The following PLEKHG4B variants were observed in gnomAD, a reference collection of about 807,000 sequenced individuals.
PLEKHG4B encodes the protein pleckstrin homology domain-containing family G member 4B.
In PLEKHG4B, 111 loss-of-function variants were observed where a neutral mutation model predicts 121.3. That is an observed-to-expected ratio of 0.92 (90% CI 0.78 to 1.07). The LOEUF (loss-of-function observed/expected upper bound fraction) is 1.07, where lower values mean the gene tolerates loss of function less well. Ranked by LOEUF, PLEKHG4B falls within the 50% of genes least tolerant of loss-of-function variation. PLEKHG4B has a pLI of 0.00. For synonymous variants in PLEKHG4B, 738 were observed against 725.0 expected (o/e 1.02, Z -0.29); for missense variants, 1,831 against 1,757.8 (o/e 1.04, Z -0.74).
intron 2 of PLEKHG4B, among the ~76,000 whole-genome samples, chr5:138,694 G>A (rs1379973830): frequency 6.6e-6 from 1 of 152,196 alleles, no homozygotes; most frequent in Non-Finnish European, 1.5e-5. Flanking sequence ...AAACATGATT[G>A]GTGGGTGGGT....
intron 2 of PLEKHG4B, among the ~76,000 whole-genome samples, chr5:118,330 C>T (rs780321291): frequency 1.3e-5 from 2 of 152,306 alleles, no homozygotes; most frequent in Non-Finnish European, 2.9e-5. Context: ...AGACCACACA[C>T]TGCTTGGGAT....
intron 1 of PLEKHG4B, among the ~76,000 whole-genome samples, chr5:107,936 G>A (rs1261433925): frequency 2.6e-5 from 4 of 152,290 alleles, no homozygotes; most frequent in Admixed American, 2.0e-4. Flanking sequence ...ATTAGAGTGT[G>A]GTGGAGTGGA....
At position 189,619 on chromosome 5, in the gene PLEKHG4B, A is replaced by C. The variant is rs1045079308; in HGVS notation, c.*7296A>C. The C allele has an allele frequency of 4.6e-5, 7 of 152,252 alleles. No homozygotes were observed. The highest frequency in any genetic ancestry group is 1.7e-4 in the African/African-American group (7 of 41,456). 9.4% of individuals were successfully genotyped at this position (152,252 alleles called of 1,614,324 possible). On this transcript the variant is annotated 3_prime_UTR_variant, in exon 20 of 20. Coordinates refer to ENST00000637938, the MANE Select transcript of PLEKHG4B (RefSeq NM_052909.5). ...GACGGCGGCGCCAGAGCTGGGCCTG[A>C]GTCTGACCCAACCTGTGCTGAGTGG...
chr5:158,450 G>A (rs541908986), intron 11 of PLEKHG4B, among the ~76,000 whole-genome samples: 369 of 108,182 alleles, frequency 3.4e-3, no homozygotes, highest in Middle Eastern at 0.012. Flanking sequence ...CCCTCTGCCC[G>A]TCCTGGGAGT....
chr5:124,115 T>A (rs1734542737), intron 2 of PLEKHG4B, among the ~76,000 whole-genome samples: 1 of 152,228 alleles, frequency 6.6e-6, no homozygotes, highest in Non-Finnish European at 1.5e-5. Flanking sequence ...TTTGATCCAT[T>A]GTTGATTAAT....
chr5:161,416 C>T (rs1285558978), intron 11 of PLEKHG4B, among the ~76,000 whole-genome samples: 1 of 152,258 alleles, frequency 6.6e-6, no homozygotes, highest in African/African-American at 2.4e-5. Flanking sequence ...GCCCGTGCCA[C>T]CTCTCATCAG....
At chr5:149,257 T>G (rs1735527089) in intron 6 of PLEKHG4B, among the ~76,000 whole-genome samples, 1 of 152,114 alleles carries the variant, frequency 6.6e-6, no homozygotes, top group African/African-American at 2.4e-5. Context: ...ATCAAAAGAC[T>G]ACCAGACAGA....
Position 137,621 on chromosome 5 carries a change from G to A in PLEKHG4B, c.244-1862G>A, listed in dbSNP as rs537922759. On this transcript the variant is annotated intron_variant, in intron 2 of 19. Coordinates refer to ENST00000637938, the MANE Select transcript of PLEKHG4B (RefSeq NM_052909.5). This position sits in a 1 kb window ranked among gnomAD's most constrained non-coding sequence, Gnocchi z 4.2. ...GTAGACCCCTGTGGGAGGGCAAAAG[G>A]CATGAAAGGCTCCAACACCCTCCCA... is the stretch of plus-strand genomic sequence containing the variant. 6.6e-6 allele frequency among the ~76,000 whole-genome samples: 1 copy of A among 152,314 alleles called. No homozygotes were observed. Among genetic ancestry groups the A allele is most frequent in the African/African-American group, 2.4e-5 (1 of 41,568 alleles).
intron 1 of PLEKHG4B, among the ~76,000 whole-genome samples, chr5:95,259 G>A (rs563652355): frequency 2.0e-5 from 3 of 152,248 alleles, no homozygotes; most frequent in South Asian, 4.1e-4. Context: ...CACTGGAGTC[G>A]TTACGTCAGC....
intron 18 of PLEKHG4B, among the ~76,000 whole-genome samples, chr5:178,318 T>C (rs999289907): frequency 2.0e-5 from 3 of 152,174 alleles, no homozygotes; most frequent in African/African-American, 7.2e-5. Context: ...ACATTCCCAA[T>C]GGGTGGGGGA....
At chr5:132,321 A>G (rs918841470) in intron 2 of PLEKHG4B, among the ~76,000 whole-genome samples, 14 of 152,232 alleles carry the variant, frequency 9.2e-5, no homozygotes, top group Non-Finnish European at 1.3e-4. Context: ...TATAGATTGC[A>G]AAGATTTTCT....
intron 2 of PLEKHG4B, among the ~76,000 whole-genome samples, chr5:122,638 C>G (rs1382129357): frequency 6.6e-6 from 1 of 151,952 alleles, no homozygotes; most frequent in Non-Finnish European, 1.5e-5. Flanking sequence ...CCAGGCTGGT[C>G]AGATCTCCTG....
intron 2 of PLEKHG4B, among the ~76,000 whole-genome samples, chr5:128,353 G>C (rs184985653): frequency 7.2e-5 from 11 of 152,256 alleles, no homozygotes; most frequent in African/African-American, 2.4e-4. Context: ...GTCACAATCT[G>C]TATGGCTAAA....
intron 6 of PLEKHG4B, among the ~76,000 whole-genome samples, chr5:148,765 A>G (rs1251492620): frequency 6.6e-6 from 1 of 152,214 alleles, no homozygotes; most frequent in Admixed American, 6.5e-5. Context: ...CCAAATAGCC[A>G]AAACAATTGT....
Position 182,657 on chromosome 5 carries a change from C to A in PLEKHG4B, c.*334C>A. 3.5e-6 allele frequency: 1 copy of A among 285,262 alleles called. No homozygotes were observed. Among genetic ancestry groups the A allele is most frequent in the Non-Finnish European group, 6.7e-6 (1 of 148,570 alleles). 17.7% of individuals were successfully genotyped at this position (285,262 alleles called of 1,614,324 possible). A position where few individuals can be genotyped will look rare whatever the true frequency, so the allele number is the denominator to read the frequency against. Reference sequence around the variant, plus strand: ...ACATTTGGCAACAAAGGACCGCGATCCCTGAGAGACAGGAAAACGGGAGGT... The same window carrying A: ...ACATTTGGCAACAAAGGACCGCGATACCTGAGAGACAGGAAAACGGGAGGT... On this transcript the variant is annotated 3_prime_UTR_variant, in exon 20 of 20. Coordinates refer to ENST00000637938, the MANE Select transcript of PLEKHG4B (RefSeq NM_052909.5).
chr5:160,984 G>A (rs957419952), intron 11 of PLEKHG4B, among the ~76,000 whole-genome samples: 3 of 152,112 alleles, frequency 2.0e-5, no homozygotes, highest in Non-Finnish European at 4.4e-5. Context: ...GCATGTCTGG[G>A]GTCATTCGGT....
chr5:97,169 A>G (rs1391356317), intron 1 of PLEKHG4B, among the ~76,000 whole-genome samples: 3 of 151,726 alleles, frequency 2.0e-5, no homozygotes, highest in African/African-American at 4.9e-5. Context: ...AAAACCCCTT[A>G]CCTGCCATTC....
At chr5:93,108 G>A (rs1236783546) in intron 1 of PLEKHG4B, among the ~76,000 whole-genome samples, 4 of 152,094 alleles carry the variant, frequency 2.6e-5, no homozygotes, top group African/African-American at 9.7e-5. Context: ...TAGTTGGTAC[G>A]TCTAGGTGTC....
chr5:121,255 A>AC (rs1360018110), intron 2 of PLEKHG4B, among the ~76,000 whole-genome samples: 9 of 151,770 alleles, frequency 5.9e-5, no homozygotes, highest in African/African-American at 1.9e-4. Flanking sequence ...TAAAAAAAAA[A>AC]AGAAAAAGAA....
Sources: gnomAD v4.1 joint callset for allele counts (sites outside exome capture counted in the v4.1 genomes callset) on GRCh38, gnomAD v4.1.1 for gene constraint, Gnocchi (gnomAD v3.1) non-coding constraint, MANE v1.5 for transcripts, NCBI Gene and HGNC (gene_info 2026-07-23, HGNC 2026-07-21) for gene names.